The following TENM1 variants were observed in gnomAD, a reference collection of about 807,000 sequenced individuals.
TENM1 encodes the protein teneurin transmembrane protein 1.
TENM1 carries 35 observed loss-of-function variants against 174.8 expected under a neutral mutation model. That is an observed-to-expected ratio of 0.20 (90% CI 0.15 to 0.27). The LOEUF (loss-of-function observed/expected upper bound fraction) is 0.27, where lower values mean the gene tolerates loss of function less well. Among genes scored for constraint, TENM1 ranks in the 10% least tolerant of loss-of-function variants. TENM1 has a pLI of 1.00. For missense variants in TENM1, 1,633 were observed against 2,130.1 expected (o/e 0.77, Z 4.59); for synonymous variants, 781 against 798.7 (o/e 0.98, Z 0.37).
At chrX:124,840,796 T>A (rs2056482482) in intron 3 of TENM1, among the ~76,000 whole-genome samples, 1 of 111,929 alleles carries the variant, frequency 8.9e-6, no homozygotes, top group Non-Finnish European at 1.9e-5. Context: ...TAGGTGCTCA[T>A]TACTAATGAA....
chrX:124,624,103 G>C (rs769774394), intron 11 of TENM1, among the ~76,000 whole-genome samples: 4 of 111,999 alleles, frequency 3.6e-5, no homozygotes. Context: ...GATAGTGTTA[G>C]TACCAGTTTT....
At chrX:124,786,596 TAAAC>T (rs2055042091) in intron 3 of TENM1, among the ~76,000 whole-genome samples, 1 of 112,125 alleles carries the variant, frequency 8.9e-6, no homozygotes, top group Non-Finnish European at 1.9e-5. Flanking sequence ...TTTCTGGAAA[TAAAC>T]TGTATCCAAG....
At chrX:124,514,068 T>C (rs2047643013) in intron 18 of TENM1, among the ~76,000 whole-genome samples, 1 of 111,567 alleles carries the variant, frequency 9.0e-6, no homozygotes, top group Admixed American at 9.5e-5. Context: ...TGGAATTAGA[T>C]ATTGGTGGTA....
the TENM1 span, among the ~76,000 whole-genome samples, chrX:125,049,725 A>G: frequency 4.1e-3 from 451 of 111,178 alleles, no homozygotes; most frequent in African/African-American, 0.014. Flanking sequence ...CCATCCTCCT[A>G]TGTGTGACAT....
At chrX:125,008,221 G>A in the TENM1 span, among the ~76,000 whole-genome samples, 1 of 108,050 alleles carries the variant, frequency 9.3e-6, no homozygotes, top group African/African-American at 3.4e-5. Context: ...AAAAGAGCAG[G>A]GGTTGCAATC....
intron 21 of TENM1, among the ~76,000 whole-genome samples, chrX:124,485,681 C>G (rs919099471): frequency 1.8e-5 from 2 of 111,447 alleles, no homozygotes; most frequent in Admixed American, 1.9e-4. Flanking sequence ...TTGAATACCC[C>G]CAGTGTGCCT....
intron 3 of TENM1, among the ~76,000 whole-genome samples, chrX:124,787,324 T>A (rs758960823): frequency 9.0e-6 from 1 of 111,410 alleles, no homozygotes; most frequent in Non-Finnish European, 1.9e-5. Flanking sequence ...CATATGGAAT[T>A]AACTCACTTA....
chrX:124,653,599 T>C lies in TENM1; in HGVS notation c.1353A>G (p.Pro451=), dbSNP rs759357078. 1.8e-5 allele frequency: 22 copies of C among 1,209,738 alleles called. No homozygotes were observed. In the East Asian group the frequency reaches 5.9e-4, roughly 32 times the overall value. ...TATCAAATACCTGAGTATGTGTAGGTGGAATGTTTCTTCTGCCATAAATTC... is the reference window on the plus strand; with the variant it reads ...TATCAAATACCTGAGTATGTGTAGGCGGAATGTTTCTTCTGCCATAAATTC... The change falls in exon 7 of 32, where the codon CCA becomes CCG. Residue 451 remains proline, a synonymous_variant. Transcript: ENST00000422452.
At chrX:124,842,831 T>C (rs1434239542) in intron 3 of TENM1, among the ~76,000 whole-genome samples, 2 of 111,225 alleles carry the variant, frequency 1.8e-5, no homozygotes, top group African/African-American at 6.5e-5. Flanking sequence ...ATTTAGTCCA[T>C]AGCATACTGG....
intron 15 of TENM1, among the ~76,000 whole-genome samples, chrX:124,539,050 G>T (rs2048265075): frequency 9.0e-6 from 1 of 111,334 alleles, no homozygotes; most frequent in African/African-American, 3.3e-5. Context: ...TCCTCCTGGA[G>T]GGCAGGCACC....
At chrX:124,897,744 A>G (rs188825549) in intron 1 of TENM1, among the ~76,000 whole-genome samples, 2 of 112,257 alleles carry the variant, frequency 1.8e-5, no homozygotes, top group African/African-American at 6.5e-5. Context: ...TTCCATGATG[A>G]ATGTATTTAA....
chrX:125,099,689 C>T, the TENM1 span, among the ~76,000 whole-genome samples: 1 of 109,271 alleles, frequency 9.2e-6, no homozygotes, highest in Non-Finnish European at 1.9e-5. Flanking sequence ...GACAATAAGG[C>T]CTTACCATAT....
At chrX:124,918,569 CAA>C (rs11374085) in intron 1 of TENM1, among the ~76,000 whole-genome samples, 992 of 50,183 alleles carry the variant, frequency 0.02, 15 homozygotes, top group African/African-American at 0.057. Context: ...AGAGAAATTA[CAA>C]AAAAAAAAAA....
chrX:124,384,973 A>ATCAGT, intron 29 of TENM1, 119 bp from the exon 33 acceptor site: 1 of 612,050 alleles, frequency 1.6e-6, no homozygotes, highest in Non-Finnish European at 2.4e-6. Context: ...AATATTAGAG[A>ATCAGT]CTGATCTCTG....
At chrX:124,864,921 T>C (rs2056975652) in intron 3 of TENM1, among the ~76,000 whole-genome samples, 1 of 111,452 alleles carries the variant, frequency 9.0e-6, no homozygotes, top group African/African-American at 3.3e-5. Flanking sequence ...AGCAGAGTTT[T>C]CAGTGGAAAT....
chrX:124,977,431 A>C, the TENM1 span, among the ~76,000 whole-genome samples: 2 of 111,409 alleles, frequency 1.8e-5, no homozygotes, highest in African/African-American at 6.5e-5. Context: ...TGTTGTTGAT[A>C]TGTTTACTGT....
At chrX:125,082,436 G>A in the TENM1 span, among the ~76,000 whole-genome samples, 1 of 110,660 alleles carries the variant, frequency 9.0e-6, no homozygotes, top group Non-Finnish European at 1.9e-5. Flanking sequence ...TGATCTACAG[G>A]GCCCCATACA....
At chrX:125,123,655 A>G in the TENM1 span, among the ~76,000 whole-genome samples, 1 of 111,348 alleles carries the variant, frequency 9.0e-6, no homozygotes, top group Non-Finnish European at 1.9e-5. Flanking sequence ...CAAATAACTT[A>G]ACTCTACTTT....
At position 124,821,235 on chromosome X, in the gene TENM1, A is replaced by G. The variant is rs1255450356; in HGVS notation, c.535+73061T>C. On this transcript the variant is annotated intron_variant, in intron 3 of 31. Coordinates refer to ENST00000422452, the Ensembl canonical transcript of TENM1. Reference sequence around the variant, plus strand: ...TCCATAAGACAGGTGATCACTACAGAGAGGTGGCTTGTCCTTCCATTTCTG... The same window carrying G: ...TCCATAAGACAGGTGATCACTACAGGGAGGTGGCTTGTCCTTCCATTTCTG... 1.1e-4 allele frequency among the ~76,000 whole-genome samples: 12 copies of G among 112,021 alleles called. No individual in the cohort carries two copies. The Admixed American group carries it at 1.1e-3, about 11-fold the overall frequency.
Sources: gnomAD v4.1 joint callset for allele counts (sites outside exome capture counted in the v4.1 genomes callset) on GRCh38, gnomAD v4.1.1 for gene constraint, MANE v1.5 for transcripts, NCBI Gene and HGNC (gene_info 2026-07-23, HGNC 2026-07-21) for gene names.